Variants in GTF3C2 observed in about 807,000 individuals in gnomAD.
GTF3C2 encodes the protein general transcription factor IIIC subunit 2.
A neutral mutation model predicts 117.4 loss-of-function variants in GTF3C2; 17 were observed. The ratio of observed to expected loss-of-function variants is 0.14; its 90% CI spans 0.10 to 0.22. GTF3C2 has a LOEUF of 0.22. GTF3C2 is among the 10% of genes least tolerant of loss of function. The pLI is 1.00. For synonymous variants in GTF3C2, 437 were observed against 427.0 expected (o/e 1.02, Z -0.29); for missense variants, 888 against 1,143.6 (o/e 0.78, Z 3.22).
Position 27,336,318 on chromosome 2 carries a change from G to A in GTF3C2, c.1235C>T (p.Ser412Leu), listed in dbSNP as rs751274836. The A allele has an allele frequency of 2.5e-5, 40 of 1,613,478 alleles. No individual in the cohort carries two copies. In the East Asian group the frequency reaches 3.3e-4, roughly 13 times the overall value. Residue 412 changes from serine to leucine, a missense_variant, in exon 8 of 19, where the codon TCG (serine) becomes TTG (leucine). Around this residue, in one of 7 missense-constraint regions of GTF3C2, gnomAD observed 277 missense variants for 445.4 expected, o/e 0.62. Coordinates refer to ENST00000264720, the Ensembl canonical transcript of GTF3C2. ...GCTGGAGAAAAGAGCCACATATTGC[G>A]AGGCTCCTGCCCCCTCTGGCACTGG...
intron 4 of GTF3C2, among the ~76,000 whole-genome samples, chr2:27,341,111 C>A (rs1009729781): frequency 2.6e-5 from 4 of 152,186 alleles, no homozygotes; most frequent in African/African-American, 9.6e-5. Flanking sequence ...TCTCAGCTCA[C>A]TGCAACCTCT....
In GTF3C2 at chr2:27,326,499, G is replaced by A. The variant is rs891900791; in HGVS notation, c.*176C>T. On this transcript the variant is annotated 3_prime_UTR_variant, in exon 19 of 19. Coordinates refer to ENST00000264720, the Ensembl canonical transcript of GTF3C2. ...AGAGCCCCCCTGCCCGCAGGGGGCT[G>A]TGATCACAGAAGTCTGTAGAAAGAG... 9.8e-6 allele frequency: 6 copies of A among 615,124 alleles called. No homozygotes were observed. The Admixed American group carries it at 1.5e-4, about 15-fold the overall frequency. The allele number at this position is 615,124 out of a possible 1,614,324, so 38.1% of individuals were successfully genotyped here.
At chr2:27,344,167 G>A (rs1393540230) in intron 1 of GTF3C2, among the ~76,000 whole-genome samples, 1 of 151,910 alleles carries the variant, frequency 6.6e-6, no homozygotes, top group Non-Finnish European at 1.5e-5. Flanking sequence ...TGGGATCAAG[G>A]TGCGCACCAC....
rs770988753 is a variant in GTF3C2, at chr2:27,343,486, T to G, written c.69A>C (p.Val23=). The G allele has an allele frequency of 6.2e-6, 10 of 1,613,990 alleles. No individual in the cohort carries two copies. In the African/African-American group the frequency reaches 1.2e-4, roughly 19 times the overall value. The stretch of plus-strand genomic sequence containing the variant: ...TTAGCACCTCTTGTCCAGGAGAGTC[T>G]ACCACAGTCATGTTCCCCACGGGGC... The change falls in exon 2 of 19, where the codon GTA becomes GTC. Residue 23 remains valine (V), a synonymous_variant. Coordinates refer to ENST00000264720, the Ensembl canonical transcript of GTF3C2.
intron 15 of GTF3C2, 122 bp from the exon 16 acceptor site, chr2:27,328,718 CTGA>C (rs1175256861): frequency 1.7e-5 from 18 of 1,069,050 alleles, no homozygotes; most frequent in Admixed American, 3.9e-5. Flanking sequence ...ACCGACAGCC[CTGA>C]TGATAGAGTT....
exon 3 of GTF3C2, chr2:27,342,917 G>C (rs754527284): frequency 6.2e-7 from 1 of 1,614,144 alleles, no homozygotes; most frequent in Non-Finnish European, 8.5e-7. Flanking sequence ...GGCCGATCTA[G>C]GTCTTTTGAC....
intron 4 of GTF3C2, among the ~76,000 whole-genome samples, chr2:27,338,950 A>G (rs529970226): frequency 6.6e-5 from 10 of 152,256 alleles, no homozygotes; most frequent in Non-Finnish European, 4.4e-5. Flanking sequence ...GTACAAATGC[A>G]TACCACCAAA....
chr2:27,329,558 C>T lies in GTF3C2; in HGVS notation c.1733-35G>A, dbSNP rs1680208742. ...GGACAGAATGTGTGAGCATTAAAAG[C>T]AAGTTCTCTCTTCCTTGCTCTAATT... On this transcript the variant is annotated intron_variant, in intron 12 of 18. Transcript: ENST00000264720. The surrounding 1 kb of genome is among the most constrained non-coding windows in gnomAD (Gnocchi z 4.5). 5 of 1,608,162 alleles carry T rather than the reference C, an allele frequency of 3.1e-6. No homozygotes were observed. In the South Asian group the frequency reaches 3.3e-5, roughly 11 times the overall value.
At chr2:27,330,688 C>T (rs867441983) in intron 12 of GTF3C2, among the ~76,000 whole-genome samples, 3 of 152,012 alleles carry the variant, frequency 2.0e-5, no homozygotes, top group Non-Finnish European at 4.4e-5. Context: ...AGGCCAGGCA[C>T]GATGGCTCAT....
chr2:27,351,614 T>G (rs1358534518), intron 1 of GTF3C2, among the ~76,000 whole-genome samples: 1 of 152,174 alleles, frequency 6.6e-6, no homozygotes, highest in East Asian at 1.9e-4. Context: ...CACCAGCAAA[T>G]ACATGCCTCC....
intron 4 of GTF3C2, chr2:27,340,359 T>A (rs1414781563): frequency 6.6e-6 from 1 of 151,804 alleles, no homozygotes; most frequent in African/African-American, 2.4e-5. Flanking sequence ...GCCTCCCGAG[T>A]AGCTGGGACT....
chr2:27,337,178 T>G (rs1680516268), intron 7 of GTF3C2, 66 bp downstream of exon 7: 1 of 937,208 alleles, frequency 1.1e-6, no homozygotes, highest in African/African-American at 1.6e-5. Context: ...GTCATCTCTT[T>G]CAACATTCAT....
chr2:27,328,929 T>C, exon 15 of GTF3C2: 3 of 1,595,782 alleles, frequency 1.9e-6, no homozygotes, highest in Non-Finnish European at 2.6e-6. Context: ...ACAGAGTCCA[T>C]AACTGTTAAA....
rs902190066 is a variant in GTF3C2, at chr2:27,335,477, G to A, written c.1576+121C>T. The stretch of plus-strand genomic sequence containing the variant: ...GAGTCACAATGCAGGGTGTGTGTGT[G>A]GCTGAGTAAGGCTTTGTGCTAAGAG... On this transcript the variant is annotated intron_variant, in intron 10 of 18. Coordinates refer to ENST00000264720, the Ensembl canonical transcript of GTF3C2. 9 of 714,788 alleles carry A rather than the reference G, an allele frequency of 1.3e-5. No individual in the cohort carries two copies. In the African/African-American group the frequency reaches 1.6e-4, roughly 12 times the overall value. 44.3% of individuals were successfully genotyped at this position (714,788 alleles called of 1,614,324 possible).
At chr2:27,350,908 C>T (rs1681109243) in intron 1 of GTF3C2, among the ~76,000 whole-genome samples, 1 of 148,876 alleles carries the variant, frequency 6.7e-6, no homozygotes, top group African/African-American at 2.5e-5. Flanking sequence ...GAGACTGCAC[C>T]ACTGCACTCT....
At chr2:27,335,894 T>A (rs557869398) in intron 9 of GTF3C2, 23 bp downstream of exon 9, 1 of 1,469,370 alleles carries the variant, frequency 6.8e-7, no homozygotes, top group East Asian at 2.3e-5. Context: ...CCTAGGGCCA[T>A]CCCACAGTTG....
chr2:27,343,135 T>G, exon 3 of GTF3C2: 1 of 1,574,062 alleles, frequency 6.4e-7, no homozygotes, highest in South Asian at 1.2e-5. Flanking sequence ...CTTTGACATC[T>G]CTGAAGAAAG....
In GTF3C2 at chr2:27,329,317, A is replaced by G. The variant is rs752023144; in HGVS notation, c.1878-35T>C. 1 of 1,613,980 alleles carries G rather than the reference A, an allele frequency of 6.2e-7. No individual in the cohort carries two copies. Among genetic ancestry groups the G allele is most frequent in the Admixed American group, 1.7e-5 (1 of 60,012 alleles). Reference sequence around the variant, plus strand: ...GACGGGAGAAGGTCAAATCCAAACAAATCCGGAAGTCAGCCTGTCCCAGTC... The same window carrying G: ...GACGGGAGAAGGTCAAATCCAAACAGATCCGGAAGTCAGCCTGTCCCAGTC... On this transcript the variant is annotated intron_variant, in intron 13 of 18. Coordinates refer to ENST00000264720, the Ensembl canonical transcript of GTF3C2. This position sits in a 1 kb window ranked among gnomAD's most constrained non-coding sequence, Gnocchi z 4.5.
At chr2:27,327,134 T>C (rs751605227) in intron 18 of GTF3C2, 43 bp downstream of exon 18, 1 of 1,083,082 alleles carries the variant, frequency 9.2e-7, no homozygotes, top group South Asian at 1.3e-5. Flanking sequence ...GGCCCAGAAC[T>C]GGGGGGAAAT....
Sources: gnomAD v4.1 joint callset for allele counts (sites outside exome capture counted in the v4.1 genomes callset) on GRCh38, gnomAD v4.1.1 for gene constraint, gnomAD v4.1.1 regional missense constraint, Gnocchi (gnomAD v3.1) non-coding constraint, MANE v1.5 for transcripts, NCBI Gene and HGNC (gene_info 2026-07-23, HGNC 2026-07-21) for gene names.